Variants in GNB5 observed in about 807,000 individuals in gnomAD.
The protein encoded by GNB5 is guanine nucleotide-binding protein subunit beta-5.
In GNB5, 37 loss-of-function variants were observed where a neutral mutation model predicts 55.3. The ratio of observed to expected loss-of-function variants is 0.67; its 90% CI spans 0.51 to 0.88. The LOEUF (loss-of-function observed/expected upper bound fraction) is 0.88. Ranked by LOEUF, GNB5 falls within the 40% of genes least tolerant of loss-of-function variation. The pLI is 0.00. For missense variants in GNB5, 476 were observed against 515.3 expected (o/e 0.92, Z 0.74); for synonymous variants, 219 against 198.5 (o/e 1.10, Z -0.87).
Position 52,133,488 on chromosome 15 carries a change from C to T in GNB5, c.772-19G>A. Reference sequence around the variant, plus strand: ...CACATCCCTACAAATGAAAATTAGCCAGAGTTATGGCCACTTTAAGGAATG... The same window carrying T: ...CACATCCCTACAAATGAAAATTAGCTAGAGTTATGGCCACTTTAAGGAATG... On this transcript the variant is annotated intron_variant, in intron 8 of 12. Transcript: ENST00000261837. The T allele has an allele frequency of 2.0e-6, 3 of 1,530,784 alleles. No homozygotes were observed. Among genetic ancestry groups the T allele is most frequent in the Admixed American group, 3.3e-5 (2 of 59,910 alleles). The allele number at this position is 1,530,784 out of a possible 1,614,324, so 94.8% of individuals were successfully genotyped here.
chr15:52,117,102 A>ATATATATATATATATTTTTTTTTTTTT lies in GNB5; in HGVS notation c.*5654_*5655insAAAAAAAAAAAAATATATATATATATA. 8 of 87,100 alleles carry ATATATATATATATATTTTTTTTTTTTT rather than the reference A, an allele frequency of 9.2e-5. 1 individual carries two copies. Among genetic ancestry groups the ATATATATATATATATTTTTTTTTTTTT allele is most frequent in the African/African-American group, 4.9e-4 (8 of 16,418 alleles). The allele number at this position is 87,100 out of a possible 1,614,324, so 5.4% of individuals were successfully genotyped here. On this transcript the variant is annotated 3_prime_UTR_variant, in exon 13 of 13. Coordinates refer to ENST00000261837, the MANE Select transcript of GNB5 (RefSeq NM_016194.4). The stretch of plus-strand genomic sequence containing the variant: ...CCACGCCCAGCTAATATATATATAT[A>ATATATATATATATATTTTTTTTTTTTT]TTTTTTTTTAGTACAGACAGGGTTT...
At chr15:52,149,097 G>C (rs1355880563) in intron 5 of GNB5, among the ~76,000 whole-genome samples, 1 of 152,150 alleles carries the variant, frequency 6.6e-6, no homozygotes, top group Non-Finnish European at 1.5e-5. Flanking sequence ...TTAGGGACTC[G>C]ACTCTACAAA....
At chr15:52,169,106 T>C (rs1426209886) in intron 3 of GNB5, among the ~76,000 whole-genome samples, 1 of 152,154 alleles carries the variant, frequency 6.6e-6, no homozygotes, top group Non-Finnish European at 1.5e-5. Context: ...GACGAATCAC[T>C]TGAGGTTAGG....
At chr15:52,128,616 T>G (rs1011094962) in intron 9 of GNB5, 1 of 509,422 alleles carries the variant, frequency 2.0e-6, no homozygotes, top group African/African-American at 1.9e-5. Context: ...CAAAGCCACA[T>G]TGGATGTCTG....
At chr15:52,175,469 T>G (rs1454574343) in intron 3 of GNB5, among the ~76,000 whole-genome samples, 1 of 152,218 alleles carries the variant, frequency 6.6e-6, no homozygotes, top group Non-Finnish European at 1.5e-5. Flanking sequence ...CCAGGCACAT[T>G]AGCTCACGCC....
chr15:52,137,591 G>C (rs2141196779), intron 7 of GNB5: 1 of 1,102,744 alleles, frequency 9.1e-7, no homozygotes, highest in Non-Finnish European at 1.1e-6. Flanking sequence ...GTCAGCCATA[G>C]AGTAAAGGCA....
Position 52,184,558 on chromosome 15 carries a change from G to A in GNB5, c.119C>T (p.Ala40Val), listed in dbSNP as rs1377610721. 6 of 1,612,966 alleles carry A rather than the reference G, an allele frequency of 3.7e-6. No individual in the cohort carries two copies. Among genetic ancestry groups the A allele is most frequent in the Non-Finnish European group, 5.1e-6 (6 of 1,179,266 alleles). ...TTTTTAAGTGGCACTTACAATTTCTGCACATGTTGAACAGTAGCTGAGTTG... is the reference window on the plus strand; with the variant it reads ...TTTTTAAGTGGCACTTACAATTTCTACACATGTTGAACAGTAGCTGAGTTG... ...SQQLSYCSTC[A>V]EIMATEGLHE... is the part of the protein sequence containing the mutation. Residue 40 changes from alanine (A) to valine (V), a missense_variant, in exon 2 of 13, where the codon GCA (alanine) becomes GTA (valine). Transcript: ENST00000261837.
At chr15:52,165,375 C>G (rs746978937) in intron 3 of GNB5, among the ~76,000 whole-genome samples, 25 of 152,142 alleles carry the variant, frequency 1.6e-4, no homozygotes, top group Non-Finnish European at 3.1e-4. Context: ...CAGTAAGATA[C>G]TCCCTTTAAA....
chr15:52,139,382 G>C (rs1449868314), intron 7 of GNB5, among the ~76,000 whole-genome samples: 2 of 152,142 alleles, frequency 1.3e-5, no homozygotes, highest in African/African-American at 4.8e-5. Flanking sequence ...CTTGAGCCTG[G>C]GTGGTGGAGG....
chr15:52,122,682 C>T lies in GNB5; in HGVS notation c.*75G>A. The T allele has an allele frequency of 8.4e-7, 1 of 1,195,554 alleles. No individual in the cohort carries two copies. The highest frequency in any genetic ancestry group is 1.2e-5 in the South Asian group (1 of 82,674). 74.1% of individuals were successfully genotyped at this position (1,195,554 alleles called of 1,614,324 possible). A position where few individuals can be genotyped will look rare whatever the true frequency, so the allele number is the denominator to read the frequency against. On this transcript the variant is annotated 3_prime_UTR_variant, in exon 13 of 13. Transcript: ENST00000261837. ...CTACACTGCAATAAACTCTAAGCTC[C>T]TCTAGAAGTAATATCTATTTACATG...
chr15:52,126,089 T>A (rs1258992061), intron 10 of GNB5, 45 bp from the exon 11 acceptor site: 1 of 937,774 alleles, frequency 1.1e-6, no homozygotes. Flanking sequence ...TGGCTTCAGT[T>A]TGGTGACGTG....
At chr15:52,163,299 C>T (rs1270825748) in intron 3 of GNB5, among the ~76,000 whole-genome samples, 2 of 152,192 alleles carry the variant, frequency 1.3e-5, no homozygotes, top group African/African-American at 2.4e-5. Context: ...TCGCAAACTC[C>T]GGCCCAAGAA....
intron 12 of GNB5, among the ~76,000 whole-genome samples, chr15:52,123,334 C>T (rs1205397709): frequency 6.6e-6 from 1 of 152,042 alleles, no homozygotes; most frequent in Non-Finnish European, 1.5e-5. Context: ...TCCCCCACCC[C>T]TGCATCCAGC....
chr15:52,157,438 G>T (rs1319102902), intron 3 of GNB5, among the ~76,000 whole-genome samples: 1 of 150,370 alleles, frequency 6.7e-6, no homozygotes, highest in Non-Finnish European at 1.5e-5. Flanking sequence ...GTAAAGACAG[G>T]TTTCACCATG....
At chr15:52,178,059 C>A (rs2034687256) in intron 3 of GNB5, among the ~76,000 whole-genome samples, 1 of 152,166 alleles carries the variant, frequency 6.6e-6, no homozygotes, top group African/African-American at 2.4e-5. Flanking sequence ...CACAGAAAAC[C>A]TGAAAATATC....
intron 1 of GNB5, among the ~76,000 whole-genome samples, chr15:52,190,807 A>G (rs1341955883): frequency 8.4e-5 from 5 of 59,392 alleles, no homozygotes; most frequent in Non-Finnish European, 1.5e-4. Flanking sequence ...AAAAAAAAAA[A>G]AAAAAAAAAA....
Position 52,126,037 on chromosome 15 carries a change from A to G in GNB5, c.920T>C (p.Leu307Pro), listed in dbSNP as rs1452240112. The change falls in exon 11 of 13, where the codon CTC becomes CCC. Residue 307 changes from leucine (L) to proline (P), a missense_variant. Leu to Pro is a moderately conservative substitution (Grantham distance 98). Coordinates refer to ENST00000261837, the MANE Select transcript of GNB5 (RefSeq NM_016194.4). ...ASGSDDATCR[L>P]YDLRADREVA... ...CTCCCTATCTGCCCGCAGGTCATAG[A>G]GGCGACACTGGGGAGCAAATAAATA... 2 of 1,534,184 alleles carry G rather than the reference A, an allele frequency of 1.3e-6. No homozygotes were observed. Among genetic ancestry groups the G allele is most frequent in the Admixed American group, 3.4e-5 (2 of 58,958 alleles).
chr15:52,161,344 C>A (rs1438700155), intron 3 of GNB5, among the ~76,000 whole-genome samples: 1 of 152,220 alleles, frequency 6.6e-6, no homozygotes, highest in African/African-American at 2.4e-5. Context: ...GTTGCCCAGG[C>A]TGGAGTGCAG....
At chr15:52,125,836 C>G in intron 11 of GNB5, 112 bp downstream of exon 11, 1 of 632,752 alleles carries the variant, frequency 1.6e-6, no homozygotes, top group Non-Finnish European at 2.9e-6. Context: ...ATTTCGCATA[C>G]TGGTCCACAG....
Sources: gnomAD v4.1 joint callset for allele counts (sites outside exome capture counted in the v4.1 genomes callset) on GRCh38, gnomAD v4.1.1 for gene constraint, MANE v1.5 for transcripts, NCBI Gene and HGNC (gene_info 2026-07-23, HGNC 2026-07-21) for gene names.